CROCC: variants seen among roughly 807,000 people sequenced by gnomAD.
CROCC encodes rootletin.
Under a neutral mutation model 245.2 loss-of-function variants are expected in CROCC, and 180 were observed. The observed-to-expected ratio is 0.73, with a 90% CI of 0.65 to 0.83. The LOEUF is 0.83. CROCC is among the 40% of genes least tolerant of loss of function. The pLI is 0.00. For synonymous variants in CROCC, 1,205 were observed against 1,241.6 expected (o/e 0.97, Z 0.62); for missense variants, 2,688 against 2,779.4 (o/e 0.97, Z 0.74).
At chr1:16,968,481 C>T (rs1299413470) in intron 31 of CROCC, 63 bp downstream of exon 31, 1 of 1,411,008 alleles carries the variant, frequency 7.1e-7, no homozygotes, top group Non-Finnish European at 9.3e-7. Flanking sequence ...GCTTTGTAGG[C>T]ACTACGCAGT....
rs1345315324 is a variant in CROCC, at chr1:16,930,684, G to A, written c.849+90G>A. ...GACTCAGAAGCCTGGAGAGGGAGAG[G>A]GAGCACTGTCCAAGGGAGCCTGTTA... On this transcript the variant is annotated intron_variant, in intron 7 of 36. Coordinates refer to ENST00000375541, the MANE Select transcript of CROCC (RefSeq NM_014675.5). 5 of 1,456,606 alleles carry A rather than the reference G, an allele frequency of 3.4e-6. No homozygotes were observed. In the African/African-American group the frequency reaches 4.2e-5, roughly 12 times the overall value. The allele number at this position is 1,456,606 out of a possible 1,614,324, so 90.2% of individuals were successfully genotyped here.
chr1:16,942,664 G>C (rs1332608159), intron 13 of CROCC, among the ~76,000 whole-genome samples: 1 of 152,288 alleles, frequency 6.6e-6, no homozygotes, highest in Non-Finnish European at 1.5e-5. Flanking sequence ...CATACAGCGT[G>C]TGTGGCTGGG....
chr1:16,921,354 CTG>C (rs2100305714), upstream of CROCC, among the ~76,000 whole-genome samples: 1 of 152,410 alleles, frequency 6.6e-6, no homozygotes, highest in East Asian at 1.9e-4. Flanking sequence ...GGCTCTACCA[CTG>C]TGTCTAGGTC....
At chr1:16,928,077 G>C (rs1412465950) in intron 3 of CROCC, among the ~76,000 whole-genome samples, 6 of 152,296 alleles carry the variant, frequency 3.9e-5, no homozygotes, top group African/African-American at 1.4e-4. Flanking sequence ...CCCGAGATGA[G>C]CGTGGGTGAG....
chr1:16,953,530 T>C (rs78271317), intron 21 of CROCC, 49 bp downstream of exon 21: 277,841 of 1,503,296 alleles, frequency 0.18, 27,991 homozygotes, highest in African/African-American at 0.33. Flanking sequence ...CTGCTCCAGT[T>C]CTGGGGCCGG....
At chr1:16,926,013 G>T (rs1419091333) in intron 3 of CROCC, among the ~76,000 whole-genome samples, 1 of 152,278 alleles carries the variant, frequency 6.6e-6, no homozygotes, top group Non-Finnish European at 1.5e-5. Flanking sequence ...CCCCAGGTTG[G>T]CAGGGAAGGG....
intron 3 of CROCC, among the ~76,000 whole-genome samples, chr1:16,926,211 T>C (rs2075531600): frequency 6.6e-6 from 1 of 152,232 alleles, no homozygotes; most frequent in Non-Finnish European, 1.5e-5. Flanking sequence ...AGGCCCCACC[T>C]GGAGGCAGGG....
chr1:16,957,657 C>G (rs561669146), intron 25 of CROCC, among the ~76,000 whole-genome samples: 94 of 152,248 alleles, frequency 6.2e-4, no homozygotes, highest in Middle Eastern at 6.8e-3. Flanking sequence ...GTGGGCCAGG[C>G]TGGTCTCGAA....
rs564996785 is a variant in CROCC at position 16,930,557 on chromosome 1, T to A, written c.812T>A (p.Leu271Gln). 1.2e-6 allele frequency: 2 copies of A among 1,612,304 alleles called. No homozygotes were observed. The highest frequency in any genetic ancestry group is 1.7e-6 in the Non-Finnish European group (2 of 1,179,744). ...TNDWTRCRKE[L>Q]EHREAAWRRE... is the part of the protein sequence containing the mutation. ...GACTGGACACGCTGCCGCAAGGAGC[T>A]GGAGCACCGGGAGGCGGCGTGGAGG... Residue 271 changes from leucine (L) to glutamine (Q), a missense_variant, in exon 7 of 37, where the codon CTG (leucine) becomes CAG (glutamine). By Grantham distance (113) the Leu-to-Gln change is moderately radical (BLOSUM62 -2). This residue lies in a region of CROCC where 972 missense variants were observed against 895.3 expected (regional missense o/e 1.09). Transcript: ENST00000375541.
rs567862633 is a variant in CROCC, at chr1:16,949,658, G to A, written c.2836+732G>A. Among the ~76,000 whole-genome samples, 20 of 152,330 alleles carry A rather than the reference G, an allele frequency of 1.3e-4. 1 individual carries two copies. In the South Asian group the frequency reaches 4.1e-3, roughly 32 times the overall value. ...CCTCCATTTCATCATCTGTTAAATG[G>A]GGATGAGGATAAACTACATAGGCAT... On this transcript the variant is annotated intron_variant, in intron 19 of 36. Coordinates refer to ENST00000375541, the MANE Select transcript of CROCC (RefSeq NM_014675.5).
chr1:16,947,690 G>A (rs527245044), intron 17 of CROCC, among the ~76,000 whole-genome samples: 1 of 152,352 alleles, frequency 6.6e-6, no homozygotes, highest in East Asian at 1.9e-4. Flanking sequence ...GCAGGGTGCA[G>A]GTCTCCACCT....
chr1:16,931,489 G>T, intron 8 of CROCC, 92 bp downstream of exon 8: 2 of 1,239,208 alleles, frequency 1.6e-6, no homozygotes, highest in Non-Finnish European at 2.4e-6. Flanking sequence ...TCAACTCAAC[G>T]CACTTACTGT....
rs2076416222 is a variant in CROCC, at chr1:16,966,265, A to C, written c.4697-143A>C. The stretch of plus-strand genomic sequence containing the variant: ...AAGAGGACCCTCCTTGGACAGCCTC[A>C]CCTGTGTGCAGGCCCGCATACTACG... On this transcript the variant is annotated intron_variant, in intron 29 of 36. Transcript: ENST00000375541. The surrounding 1 kb of genome is among the most constrained non-coding windows in gnomAD (Gnocchi z 4.8). 1 of 1,433,638 alleles carries C rather than the reference A, an allele frequency of 7.0e-7. No homozygotes were observed. Among genetic ancestry groups the C allele is most frequent in the Non-Finnish European group, 9.2e-7 (1 of 1,081,846 alleles). The allele number at this position is 1,433,638 out of a possible 1,614,324, so 88.8% of individuals were successfully genotyped here. A position where few individuals can be genotyped will look rare whatever the true frequency, so the allele number is the denominator to read the frequency against.
chr1:16,960,715 TG>T, intron 26 of CROCC, 42 bp from the exon 27 acceptor site: 1 of 1,452,060 alleles, frequency 6.9e-7, no homozygotes, highest in African/African-American at 1.5e-5. Context: ...GGCGTCGGGT[TG>T]GGAGAGGTCT....
At position 16,966,099 on chromosome 1, in the gene CROCC, C is replaced by T. The variant is rs760731929; in HGVS notation, c.4676C>T (p.Ala1559Val). 2.6e-5 allele frequency: 42 copies of T among 1,612,626 alleles called. No homozygotes were observed. The Admixed American group carries it at 3.2e-4, about 12-fold the overall frequency. ...ATSRARQLQK[A>V]VAESEEARRS... is the part of the protein sequence containing the mutation. ...TCGAGGGCCAGGCAGCTGCAGAAGG[C>T]GGTGGCTGAGAGTGAGGAAGGTGAG... The change falls in exon 29 of 37, where the codon GCG (alanine) becomes GTG (valine). Residue 1559 changes from alanine (A) to valine (V), a missense_variant. Transcript: ENST00000375541. This position sits in a 1 kb window ranked among gnomAD's most constrained non-coding sequence, Gnocchi z 4.8.
At position 16,971,534 on chromosome 1, in the gene CROCC, CTGGAGCTGCAGCAGGAGG is replaced by C. The variant is rs2076519828; in HGVS notation, c.5861_5878del (p.Leu1954_Glu1959del). ...GGAGGTGGATGCGCAGCAGCAGCAGCTGGAGCTGCAGCAGGAGGTGGAGCGGCTGCGCAGCGCCCAGGC... is the reference window on the plus strand; with the variant it reads ...GGAGGTGGATGCGCAGCAGCAGCAGCTGGAGCGGCTGCGCAGCGCCCAGGC... On this transcript the variant is annotated inframe_deletion, in exon 36 of 37. Transcript: ENST00000375541. The C allele has an allele frequency of 1.3e-6, 2 of 1,536,844 alleles. No homozygotes were observed. Among genetic ancestry groups the C allele is most frequent in the Admixed American group, 2.0e-5 (1 of 50,930 alleles).
chr1:16,927,764 T>A (rs535620354), intron 3 of CROCC, among the ~76,000 whole-genome samples: 1 of 152,276 alleles, frequency 6.6e-6, no homozygotes. Flanking sequence ...CCGCTCACCA[T>A]TGACCTCAGT....
Position 16,965,786 on chromosome 1 carries a change from C to T in CROCC, c.4469C>T (p.Ser1490Phe), listed in dbSNP as rs538759802. ...LECSPGSQPP[S>F]PGPATSPASP... is the part of the protein sequence containing the mutation. The stretch of plus-strand genomic sequence containing the variant: ...TGCAGCCCTGGGTCCCAGCCACCAT[C>T]TCCAGGACCTGCCACCTCCCCAGCC... Residue 1490 changes from serine (S) to phenylalanine (F), a missense_variant, in exon 28 of 37, where the codon TCT (serine) becomes TTT (phenylalanine). By Grantham distance (155) the Ser-to-Phe change is radical (BLOSUM62 -2). This residue lies in a region of CROCC where 1,218 missense variants were observed against 1,286.3 expected (regional missense o/e 0.95). Transcript: ENST00000375541. 2 of 1,613,802 alleles carry T rather than the reference C, an allele frequency of 1.2e-6. No individual in the cohort carries two copies. Among genetic ancestry groups the T allele is most frequent in the Non-Finnish European group, 1.7e-6 (2 of 1,180,026 alleles).
At chr1:16,949,887 A>G (rs1384163591) in intron 19 of CROCC, among the ~76,000 whole-genome samples, 5 of 151,908 alleles carry the variant, frequency 3.3e-5, no homozygotes, top group Non-Finnish European at 5.9e-5. Flanking sequence ...CTCCTGCCTC[A>G]GCCTCCCAAG....
Sources: allele counts gnomAD v4.1 joint callset (sites outside exome capture counted in the v4.1 genomes callset), GRCh38; gene constraint gnomAD v4.1.1; regional missense constraint gnomAD v4.1.1; non-coding constraint Gnocchi (gnomAD v3.1); transcripts MANE v1.5; gene names NCBI Gene and HGNC (gene_info 2026-07-23, HGNC 2026-07-21).